STK24: variants seen among roughly 807,000 people sequenced by gnomAD.
The protein encoded by STK24 is serine/threonine kinase 24.
In STK24, 21 loss-of-function variants were observed where a neutral mutation model predicts 55.6. That is an observed-to-expected ratio of 0.38 (90% CI 0.27 to 0.54). The LOEUF (loss-of-function observed/expected upper bound fraction) is 0.54, where lower values mean the gene tolerates loss of function less well. Ranked by LOEUF, STK24 falls within the 20% of genes least tolerant of loss-of-function variation. The pLI, the probability that STK24 is intolerant of heterozygous loss-of-function variation, is 0.79. For missense variants in STK24, 383 were observed against 538.4 expected (o/e 0.71, Z 2.86); for synonymous variants, 200 against 215.2 (o/e 0.93, Z 0.62).
At chr13:98,508,192 C>T (rs1470710368) in intron 2 of STK24, among the ~76,000 whole-genome samples, 1 of 152,032 alleles carries the variant, frequency 6.6e-6, no homozygotes, top group Non-Finnish European at 1.5e-5. Flanking sequence ...TATTTGTAAC[C>T]TATGAGAAGC....
At chr13:98,537,002 C>G (rs140134937) in intron 1 of STK24, among the ~76,000 whole-genome samples, 1,709 of 152,320 alleles carry the variant, frequency 0.011, 15 homozygotes, top group Non-Finnish European at 0.017. Context: ...CTCCTTACCT[C>G]CCCCAAACCC....
At chr13:98,506,899 C>T (rs1303925404) in intron 2 of STK24, among the ~76,000 whole-genome samples, 3 of 152,208 alleles carry the variant, frequency 2.0e-5, no homozygotes, top group Non-Finnish European at 4.4e-5. Context: ...AAGTGTGAAA[C>T]GGTGACCCTG....
rs561044960 is a variant in STK24 at position 98,457,317 on chromosome 13, G to A, written c.1123-13C>T. 5.3e-5 allele frequency: 86 copies of A among 1,613,908 alleles called. 1 individual carries two copies. The East Asian group carries it at 1.4e-3, about 26-fold the overall frequency. Reference sequence around the variant, plus strand: ...TCTTCTCCTTCAACTGAAAACACACGAACAGGAAGAATGGCATGAAGCACA... The same window carrying A: ...TCTTCTCCTTCAACTGAAAACACACAAACAGGAAGAATGGCATGAAGCACA... On this transcript the variant is annotated splice_polypyrimidine_tract_variant and intron_variant, in intron 9 of 10. Transcript: ENST00000539966.
intron 3 of STK24, among the ~76,000 whole-genome samples, chr13:98,477,286 G>A (rs1479277655): frequency 3.9e-5 from 6 of 152,192 alleles, no homozygotes; most frequent in Non-Finnish European, 5.9e-5. Flanking sequence ...TCATCACCTG[G>A]GTGGACAGTG....
chr13:98,520,852 T>C (rs1344084400), intron 1 of STK24, among the ~76,000 whole-genome samples: 1 of 152,224 alleles, frequency 6.6e-6, no homozygotes, highest in Non-Finnish European at 1.5e-5. Context: ...CACGAGCAGA[T>C]AGCCACAGTG....
Position 98,451,959 on chromosome 13 carries a change from G to C in STK24, c.*1214C>G, listed in dbSNP as rs569594188. On this transcript the variant is annotated 3_prime_UTR_variant, in exon 11 of 11. Transcript: ENST00000539966. Reference sequence around the variant, plus strand: ...TCGCACAGATCAGCAACCTCCAACTGCATCATCTCGGTGAGCAAGTGCGCA... The same window carrying C: ...TCGCACAGATCAGCAACCTCCAACTCCATCATCTCGGTGAGCAAGTGCGCA... 1 of 152,188 alleles carries C rather than the reference G, an allele frequency of 6.6e-6. No homozygotes were observed. The highest frequency in any genetic ancestry group is 1.5e-5 in the Non-Finnish European group (1 of 68,106). The allele number at this position is 152,188 out of a possible 1,614,324, so 9.4% of individuals were successfully genotyped here.
At chr13:98,516,554 T>C (rs1896066444) in intron 2 of STK24, among the ~76,000 whole-genome samples, 1 of 152,196 alleles carries the variant, frequency 6.6e-6, no homozygotes, top group South Asian at 2.1e-4. Context: ...GTGTGGGTCA[T>C]GTGGCTGAGT....
chr13:98,511,162 C>T (rs951093722), intron 2 of STK24, among the ~76,000 whole-genome samples: 1 of 152,184 alleles, frequency 6.6e-6, no homozygotes, highest in African/African-American at 2.4e-5. Context: ...TGTGCCCGGC[C>T]CCATATTCCC....
chr13:98,572,003 G>A (rs1358371679), intron 1 of STK24, among the ~76,000 whole-genome samples: 1 of 152,188 alleles, frequency 6.6e-6, no homozygotes. Context: ...GTCTACAGAT[G>A]CAAGGCCTCC....
intron 2 of STK24, among the ~76,000 whole-genome samples, chr13:98,495,671 G>C (rs916726509): frequency 6.6e-6 from 1 of 152,228 alleles, no homozygotes; most frequent in African/African-American, 2.4e-5. Flanking sequence ...GTTCAGCAGA[G>C]AGAAAGGGAT....
At chr13:98,481,949 C>A (rs1422109697) in intron 3 of STK24, among the ~76,000 whole-genome samples, 2 of 151,926 alleles carry the variant, frequency 1.3e-5, no homozygotes, top group Non-Finnish European at 2.9e-5. Flanking sequence ...CACCTGTAGT[C>A]CCAGTTACTT....
intron 1 of STK24, among the ~76,000 whole-genome samples, chr13:98,532,893 C>T (rs967933363): frequency 1.3e-5 from 2 of 152,176 alleles, no homozygotes; most frequent in Non-Finnish European, 2.9e-5. Context: ...TGTATTAATG[C>T]GTTACAAATG....
intron 1 of STK24, among the ~76,000 whole-genome samples, chr13:98,527,812 G>A (rs1205076277): frequency 6.6e-6 from 1 of 152,228 alleles, no homozygotes; most frequent in Non-Finnish European, 1.5e-5. Context: ...GAGGGGTTCA[G>A]AGGCACACCG....
chr13:98,474,911 C>T lies in STK24; in HGVS notation c.507G>A (p.Leu169=), dbSNP rs1346313764. Reference sequence around the variant, plus strand: ...TGTTCCTTTTGATCTGGGTGTCTGTCAGCTGGCCAGCCACGCCAAAGTCCG... The same window carrying T: ...TGTTCCTTTTGATCTGGGTGTCTGTTAGCTGGCCAGCCACGCCAAAGTCCG... The part of the protein sequence containing the change: ...KLADFGVAGQ[L]TDTQIKRNTF... Residue 169 remains leucine, a synonymous_variant, in exon 5 of 11, where the codon CTG becomes CTA. Transcript: ENST00000539966. 1 of 1,614,170 alleles carries T rather than the reference C, an allele frequency of 6.2e-7. No individual in the cohort carries two copies. The highest frequency in any genetic ancestry group is 8.5e-7 in the Non-Finnish European group (1 of 1,180,024).
At chr13:98,574,017 TA>T (rs1255505595) in intron 1 of STK24, among the ~76,000 whole-genome samples, 17 of 145,774 alleles carry the variant, frequency 1.2e-4, no homozygotes, top group African/African-American at 4.3e-4. Flanking sequence ...TTTTTTATTT[TA>T]TTTTTTTTTT....
chr13:98,482,340 AAG>A lies in STK24; in HGVS notation c.274-21_274-20del. 6.8e-7 allele frequency: 1 copy of A among 1,460,540 alleles called. No individual in the cohort carries two copies. Among genetic ancestry groups the A allele is most frequent in the South Asian group, 1.2e-5 (1 of 81,760 alleles). 90.5% of individuals were successfully genotyped at this position (1,460,540 alleles called of 1,614,324 possible). A position where few individuals can be genotyped will look rare whatever the true frequency, so the allele number is the denominator to read the frequency against. ...TTGTATCCTATAAAACAAAAAAAAG[AAG>A]AGAATCATTTTCAAAATGAATCCAG... On this transcript the variant is annotated intron_variant, in intron 2 of 10. Coordinates refer to ENST00000539966, the MANE Select transcript of STK24 (RefSeq NM_001032296.4).
chr13:98,552,165 T>G (rs1405219048), intron 1 of STK24, among the ~76,000 whole-genome samples: 1 of 152,206 alleles, frequency 6.6e-6, no homozygotes, highest in Non-Finnish European at 1.5e-5. Flanking sequence ...ATGTATTGAT[T>G]CTATATTTTG....
intron 10 of STK24, chr13:98,454,749 G>A (rs535422043): frequency 1.3e-5 from 2 of 152,346 alleles, no homozygotes; most frequent in East Asian, 3.9e-4. Flanking sequence ...GCAGCCATCG[G>A]GGTGAACGCT....
intron 1 of STK24, among the ~76,000 whole-genome samples, chr13:98,539,383 C>A (rs1896823873): frequency 6.6e-6 from 1 of 152,026 alleles, no homozygotes; most frequent in African/African-American, 2.4e-5. Context: ...GATGATGAAC[C>A]ATCCTTGGAT....
Sources: allele counts gnomAD v4.1 joint callset (sites outside exome capture counted in the v4.1 genomes callset), GRCh38; gene constraint gnomAD v4.1.1; transcripts MANE v1.5; gene names NCBI Gene and HGNC (gene_info 2026-07-23, HGNC 2026-07-21).